The following TMIGD3 variants were observed in gnomAD, a reference collection of about 807,000 sequenced individuals.
The protein encoded by TMIGD3 is AD026 protein (AD026).
In TMIGD3, 21 loss-of-function variants were observed where a neutral mutation model predicts 28.1. The ratio of observed to expected loss-of-function variants is 0.75; its 90% CI spans 0.53 to 1.08. The LOEUF is 1.08. TMIGD3 is among the 50% of genes least tolerant of loss of function. TMIGD3 has a pLI of 0.00. For synonymous variants in TMIGD3, 151 were observed against 162.1 expected (o/e 0.93, Z 0.52); for missense variants, 416 against 435.6 (o/e 0.96, Z 0.40).
At chr1:111,503,634 G>T, upstream of TMIGD3, 1 of 1,183,072 alleles carries the variant, frequency 8.5e-7, no homozygotes, top group Non-Finnish European at 1.1e-6. Context: ...TATATGGACT[G>T]AATCTGAAAG....
rs565209960 is a variant in TMIGD3, at chr1:111,498,776, G to C, written c.350+4229C>G. Among the ~76,000 whole-genome samples, 11 of 152,296 alleles carry C rather than the reference G, an allele frequency of 7.2e-5. No homozygotes were observed. The South Asian group carries it at 2.3e-3, about 32-fold the overall frequency. On this transcript the variant is annotated intron_variant, in intron 1 of 5. Coordinates refer to ENST00000369716, the MANE Select transcript of TMIGD3 (RefSeq NM_020683.7). The stretch of plus-strand genomic sequence containing the variant: ...GATCAAAGGAGATAATGCATGCAAA[G>C]TACTTAGTGTATATAGAGTGCTCAA...
chr1:111,537,022 T>A (rs1171827799), intron 1 of TMIGD3, among the ~76,000 whole-genome samples: 1 of 152,244 alleles, frequency 6.6e-6, no homozygotes, highest in Non-Finnish European at 1.5e-5. Flanking sequence ...GTTCAAGTTC[T>A]TCCCCCTGGT....
chr1:111,529,063 AC>A (rs1320243257), intron 1 of TMIGD3, among the ~76,000 whole-genome samples: 2 of 151,912 alleles, frequency 1.3e-5, no homozygotes, highest in African/African-American at 2.4e-5. Flanking sequence ...GTGATAGGAG[AC>A]ATTCTTGCCT....
At chr1:111,538,048 A>G (rs920214051) in intron 1 of TMIGD3, among the ~76,000 whole-genome samples, 2 of 152,104 alleles carry the variant, frequency 1.3e-5, no homozygotes, top group African/African-American at 4.8e-5. Context: ...CTCATATGGC[A>G]TTTTCAGTTT....
intron 1 of TMIGD3, among the ~76,000 whole-genome samples, chr1:111,534,580 G>A (rs139889086): frequency 6.6e-6 from 1 of 152,176 alleles, no homozygotes; most frequent in Non-Finnish European, 1.5e-5. Context: ...TTTCTAGCAG[G>A]CCCTTTGAAA....
intron 1 of TMIGD3, among the ~76,000 whole-genome samples, chr1:111,495,002 G>A (rs137958743): frequency 1.3e-3 from 198 of 152,270 alleles, no homozygotes; most frequent in African/African-American, 4.5e-3. Flanking sequence ...AACTCAGATG[G>A]ATTAAAGATT....
At chr1:111,514,947 G>A (rs989692284) in intron 1 of TMIGD3, among the ~76,000 whole-genome samples, 1 of 152,132 alleles carries the variant, frequency 6.6e-6, no homozygotes, top group Non-Finnish European at 1.5e-5. Flanking sequence ...CATTGAGCAA[G>A]GTCAAGCAAC....
chr1:111,518,090 G>A (rs1655924560), intron 1 of TMIGD3, among the ~76,000 whole-genome samples: 1 of 152,170 alleles, frequency 6.6e-6, no homozygotes, highest in Non-Finnish European at 1.5e-5. Context: ...CTGGACCCAA[G>A]CAGGCTGGCT....
chr1:111,502,883 T>C, intron 1 of TMIGD3, 122 bp downstream of exon 1: 1 of 1,225,436 alleles, frequency 8.2e-7, no homozygotes, highest in East Asian at 2.5e-5. Context: ...AGACACTTAT[T>C]GCCCTCTTTC....
At chr1:111,544,638 T>A (rs1192040314) in intron 1 of TMIGD3, among the ~76,000 whole-genome samples, 1 of 152,214 alleles carries the variant, frequency 6.6e-6, no homozygotes, top group Non-Finnish European at 1.5e-5. Context: ...ATTTTCAGGC[T>A]ATTATGAATA....
rs180729429 is a variant in TMIGD3 at position 111,499,239 on chromosome 1, T to C, written c.350+3766A>G. Among the ~76,000 whole-genome samples, 11 of 152,204 alleles carry C rather than the reference T, an allele frequency of 7.2e-5. No individual in the cohort carries two copies. The East Asian group carries it at 1.9e-3, about 27-fold the overall frequency. On this transcript the variant is annotated intron_variant, in intron 1 of 5. Transcript: ENST00000369716. ...ATGAATAGGATTCTTTCTCTCACAA[T>C]AGATGAATGGTTCATAAAGCTGACA...
intron 1 of TMIGD3, among the ~76,000 whole-genome samples, chr1:111,557,353 C>T (rs994999395): frequency 6.6e-6 from 1 of 152,108 alleles, no homozygotes; most frequent in African/African-American, 2.4e-5. Flanking sequence ...TCAAGACCAT[C>T]CTGGCTAACA....
chr1:111,515,248 A>G (rs1655820343), intron 1 of TMIGD3, among the ~76,000 whole-genome samples: 1 of 152,158 alleles, frequency 6.6e-6, no homozygotes, highest in Non-Finnish European at 1.5e-5. Flanking sequence ...TGAGCATCAC[A>G]GTGGCGGGCG....
chr1:111,527,103 T>C (rs905265553), intron 1 of TMIGD3, among the ~76,000 whole-genome samples: 4 of 140,576 alleles, frequency 2.8e-5, no homozygotes, highest in Admixed American at 1.6e-4. Context: ...CTCTGCCTCC[T>C]GGGTTTAAGT....
rs756041486 is a variant in TMIGD3 at position 111,485,760 on chromosome 1, C to A, written c.953G>T (p.Arg318Ile). Residue 318 changes from arginine (R) to isoleucine (I), a missense_variant, in exon 5 of 6, where the codon AGA becomes ATA. Arg to Ile is a moderately conservative substitution (Grantham distance 97, BLOSUM62 -3). Coordinates refer to ENST00000369716, the MANE Select transcript of TMIGD3 (RefSeq NM_020683.7). ...SVISHLTKRRRSQRNRRVGNT... is the reference protein window; with the variant it reads ...SVISHLTKRRISQRNRRVGNT... ...CTTACCCCTTCTATTCCTTTGACTT[C>A]TCCTCCTTTTGGTCAAATGACTGAT... The A allele has an allele frequency of 1.6e-5, 22 of 1,390,866 alleles. No homozygotes were observed. Among genetic ancestry groups the A allele is most frequent in the Non-Finnish European group, 9.8e-6 (10 of 1,015,984 alleles). The allele number at this position is 1,390,866 out of a possible 1,614,324, so 86.2% of individuals were successfully genotyped here.
At chr1:111,541,665 TGAGA>T (rs144983634) in intron 1 of TMIGD3, among the ~76,000 whole-genome samples, 2,443 of 141,850 alleles carry the variant, frequency 0.017, 52 homozygotes, top group African/African-American at 0.059. Flanking sequence ...ACAAGGAAAA[TGAGA>T]GAGAGAGAGA....
At chr1:111,508,450 G>A (rs1240333804), upstream of TMIGD3, among the ~76,000 whole-genome samples, 1 of 152,164 alleles carries the variant, frequency 6.6e-6, no homozygotes, top group Non-Finnish European at 1.5e-5. Context: ...GAAAGAAAAC[G>A]GGAAGAACTT....
chr1:111,527,984 T>C (rs1047371198), intron 1 of TMIGD3, among the ~76,000 whole-genome samples: 3 of 152,216 alleles, frequency 2.0e-5, no homozygotes, highest in African/African-American at 7.2e-5. Context: ...ATTGTTTTTT[T>C]GAAAAGTAGT....
chr1:111,528,947 C>T (rs1049094135), intron 1 of TMIGD3, among the ~76,000 whole-genome samples: 1 of 151,990 alleles, frequency 6.6e-6, no homozygotes, highest in Non-Finnish European at 1.5e-5. Flanking sequence ...ATAATCATGT[C>T]ATTTGCAAAA....
Sources: gnomAD v4.1 joint callset for allele counts (sites outside exome capture counted in the v4.1 genomes callset) on GRCh38, gnomAD v4.1.1 for gene constraint, MANE v1.5 for transcripts, NCBI Gene and HGNC (gene_info 2026-07-23, HGNC 2026-07-21) for gene names.